Variants in PROS1 observed in about 807,000 individuals in gnomAD.
PROS1 encodes the protein protein S.
Under a neutral mutation model 75.9 loss-of-function variants are expected in PROS1, and 29 were observed. That is an observed-to-expected ratio of 0.38 (90% CI 0.28 to 0.52). The LOEUF is 0.52. Ranked by LOEUF, PROS1 falls within the 20% of genes least tolerant of loss-of-function variation. The pLI is 0.83. For missense variants in PROS1, 680 were observed against 810.3 expected (o/e 0.84, Z 1.95); for synonymous variants, 245 against 280.6 (o/e 0.87, Z 1.27).
At chr3:93,952,824 AC>A (rs1709526589) in intron 1 of PROS1, among the ~76,000 whole-genome samples, 1 of 152,194 alleles carries the variant, frequency 6.6e-6, no homozygotes, top group Non-Finnish European at 1.5e-5. Context: ...AAATTGTTAG[AC>A]CACTAGTGAG....
chr3:93,971,548 T>C (rs960359339), intron 1 of PROS1, among the ~76,000 whole-genome samples: 2 of 151,280 alleles, frequency 1.3e-5, no homozygotes, highest in African/African-American at 4.9e-5. Context: ...GGCAGGCCGC[T>C]TGAACCCTGG....
chr3:93,917,801 C>A (rs1454729991), intron 3 of PROS1, among the ~76,000 whole-genome samples: 1 of 152,172 alleles, frequency 6.6e-6, no homozygotes, highest in African/African-American at 2.4e-5. Flanking sequence ...TGATTTCTCG[C>A]CAGGCCTTAG....
intron 6 of PROS1, among the ~76,000 whole-genome samples, chr3:93,904,029 T>C (rs568980237): frequency 6.8e-6 from 1 of 146,966 alleles, no homozygotes; most frequent in African/African-American, 2.5e-5. Context: ...TGTGATCTCA[T>C]TGTTCAATTC....
At chr3:93,937,085 C>T (rs569513426) in intron 1 of PROS1, among the ~76,000 whole-genome samples, 2 of 152,146 alleles carry the variant, frequency 1.3e-5, no homozygotes, top group Admixed American at 1.3e-4. Flanking sequence ...TCTCAGACAC[C>T]GAGTTGTAGA....
chr3:93,968,776 A>G (rs1187130379), intron 1 of PROS1, among the ~76,000 whole-genome samples: 2 of 152,066 alleles, frequency 1.3e-5, no homozygotes, highest in African/African-American at 4.8e-5. Context: ...AAGGAAGACA[A>G]TAATCCAGGC....
rs113629635 is a variant in PROS1 at position 93,876,916 on chromosome 3, G to A, written c.1870+50C>T. ...ATAATTATATATTTAAAATATTATCGGTTTGATTAAAATATACTTTTTAAA... is the reference window on the plus strand; with the variant it reads ...ATAATTATATATTTAAAATATTATCAGTTTGATTAAAATATACTTTTTAAA... On this transcript the variant is annotated intron_variant, in intron 14 of 14. Transcript: ENST00000394236. 244 of 1,163,060 alleles carry A rather than the reference G, an allele frequency of 2.1e-4. 1 individual carries two copies. In the African/African-American group the frequency reaches 2.8e-3, roughly 13 times the overall value. 72.0% of individuals were successfully genotyped at this position (1,163,060 alleles called of 1,614,324 possible).
chr3:93,944,577 G>A (rs1160880743), intron 1 of PROS1, among the ~76,000 whole-genome samples: 2 of 152,104 alleles, frequency 1.3e-5, no homozygotes, highest in African/African-American at 4.8e-5. Flanking sequence ...ACGAAATGAA[G>A]GCAGAAATAA....
chr3:93,909,074 A>G (rs1708716778), intron 4 of PROS1, among the ~76,000 whole-genome samples: 1 of 152,232 alleles, frequency 6.6e-6, no homozygotes, highest in Admixed American at 6.5e-5. Flanking sequence ...AGAAAGCCAG[A>G]GTGACAACAT....
intron 7 of PROS1, among the ~76,000 whole-genome samples, chr3:93,900,096 A>T (rs2107160854): frequency 6.6e-6 from 1 of 152,296 alleles, no homozygotes; most frequent in East Asian, 1.9e-4. Context: ...AAAAAATCGA[A>T]AGGAAGGTAT....
intron 1 of PROS1, chr3:93,973,433 T>C: frequency 3.9e-6 from 2 of 515,068 alleles, no homozygotes; most frequent in South Asian, 2.6e-5. Context: ...CTTAGTGTCA[T>C]CTAGGTTCTT....
chr3:93,902,569 A>G (rs900206502), intron 6 of PROS1, among the ~76,000 whole-genome samples: 6 of 152,026 alleles, frequency 3.9e-5, no homozygotes, highest in South Asian at 2.1e-4. Context: ...CCTGGTCAAC[A>G]TGGCAAAACC....
At chr3:93,916,913 T>TA (rs1360024428) in intron 3 of PROS1, among the ~76,000 whole-genome samples, 1 of 152,240 alleles carries the variant, frequency 6.6e-6, no homozygotes, top group Non-Finnish European at 1.5e-5. Flanking sequence ...TTGTCAATTC[T>TA]AAAAAATAGT....
At chr3:93,907,318 C>T (rs190103183) in intron 4 of PROS1, among the ~76,000 whole-genome samples, 7 of 152,218 alleles carry the variant, frequency 4.6e-5, no homozygotes, top group Non-Finnish European at 8.8e-5. Context: ...GTACTGGGAG[C>T]TGCAGACATC....
chr3:93,903,267 A>T (rs567415551), intron 6 of PROS1, among the ~76,000 whole-genome samples: 1 of 152,356 alleles, frequency 6.6e-6, no homozygotes, highest in South Asian at 2.1e-4. Flanking sequence ...AGATGTGGTC[A>T]TCAGGAACAT....
intron 1 of PROS1, among the ~76,000 whole-genome samples, chr3:93,970,261 G>A (rs1410603422): frequency 2.6e-5 from 4 of 152,054 alleles, no homozygotes; most frequent in Non-Finnish European, 5.9e-5. Context: ...ACAGCCAAAG[G>A]GACATCCTCT....
chr3:93,958,024 G>A (rs989203625), intron 1 of PROS1, among the ~76,000 whole-genome samples: 2 of 151,904 alleles, frequency 1.3e-5, no homozygotes, highest in Non-Finnish European at 2.9e-5. Flanking sequence ...GGAAGCGGAG[G>A]TTGCAGTGAG....
chr3:93,901,859 T>C (rs1708600349), intron 6 of PROS1, among the ~76,000 whole-genome samples: 1 of 152,228 alleles, frequency 6.6e-6, no homozygotes, highest in Non-Finnish European at 1.5e-5. Context: ...AAAGGGTATA[T>C]AGCATCTCTC....
intron 1 of PROS1, among the ~76,000 whole-genome samples, chr3:93,965,373 A>G (rs1339062142): frequency 6.6e-6 from 1 of 152,180 alleles, no homozygotes; most frequent in African/African-American, 2.4e-5. Context: ...CGAGGCGCCC[A>G]TTGCCGCTCC....
intron 1 of PROS1, among the ~76,000 whole-genome samples, chr3:93,944,173 A>C (rs1192769184): frequency 2.7e-5 from 4 of 150,088 alleles, no homozygotes; most frequent in Non-Finnish European, 5.9e-5. Context: ...ATTTAGAAGA[A>C]AGACTAACAC....
Sources: allele counts gnomAD v4.1 joint callset (sites outside exome capture counted in the v4.1 genomes callset), GRCh38; gene constraint gnomAD v4.1.1; transcripts MANE v1.5; gene names NCBI Gene and HGNC (gene_info 2026-07-23, HGNC 2026-07-21).